Variants in LRP4 observed in about 807,000 individuals in gnomAD.
The protein encoded by LRP4 is LDL receptor related protein 4, also known as low-density lipoprotein receptor-related protein 4.
Under a neutral mutation model 220.3 loss-of-function variants are expected in LRP4, and 95 were observed. The observed-to-expected ratio is 0.43, with a 90% confidence interval of 0.37 to 0.51. The LOEUF (loss-of-function observed/expected upper bound fraction) is 0.51. Ranked by LOEUF, LRP4 falls within the 20% of genes least tolerant of loss-of-function variation. The pLI is 0.00. For missense variants in LRP4, 1,925 were observed against 2,567.0 expected (o/e 0.75, Z 5.40); for synonymous variants, 903 against 954.6 (o/e 0.95, Z 1.00).
At chr11:46,907,402 C>A (rs1941779663) in intron 1 of LRP4, among the ~76,000 whole-genome samples, 1 of 152,220 alleles carries the variant, frequency 6.6e-6, no homozygotes, top group African/African-American at 2.4e-5. Flanking sequence ...TCATCTCTCC[C>A]ACTCCCGCCA....
At chr11:46,889,714 A>T in intron 15 of LRP4, 181 bp from the exon 16 acceptor site, 1 of 882,428 alleles carries the variant, frequency 1.1e-6, no homozygotes, top group Non-Finnish European at 1.8e-6. Flanking sequence ...ATGCCCTGTA[A>T]ATGTCTGCCT....
chr11:46,864,612 G>A (rs1307057358), intron 35 of LRP4, 77 bp from the exon 36 acceptor site: 2 of 996,296 alleles, frequency 2.0e-6, no homozygotes, highest in Non-Finnish European at 3.2e-6. Flanking sequence ...ATGGAAAGCT[G>A]AAAGGCTCCT....
At chr11:46,881,058 C>CAAAAAAAAA (rs60125188) in intron 20 of LRP4, among the ~76,000 whole-genome samples, 16 of 56,110 alleles carry the variant, frequency 2.9e-4, no homozygotes, top group South Asian at 9.9e-4. Context: ...TCTAAAAAAC[C>CAAAAAAAAA]AAAAAAAAAA....
Position 46,902,779 on chromosome 11 carries a change from T to C in LRP4, c.199+4A>G. ...CCTCCCACTGCCTCTGGGGAGGTACTTACTACATCCATCCTCATCGCTGTG... is the reference window on the plus strand; with the variant it reads ...CCTCCCACTGCCTCTGGGGAGGTACCTACTACATCCATCCTCATCGCTGTG... On this transcript the variant is annotated splice_donor_region_variant and intron_variant, in intron 2 of 37. Transcript: ENST00000378623. 1 of 1,613,986 alleles carries C rather than the reference T, an allele frequency of 6.2e-7. No individual in the cohort carries two copies. The highest frequency in any genetic ancestry group is 8.5e-7 in the Non-Finnish European group (1 of 1,180,028).
intron 8 of LRP4, 114 bp from the exon 9 acceptor site, chr11:46,896,449 T>C: frequency 7.4e-7 from 1 of 1,345,638 alleles, no homozygotes; most frequent in Admixed American, 1.7e-5. Context: ...GGTGGGAGGG[T>C]GAGGGTCCTG....
At chr11:46,897,423 G>A (rs1202836372) in intron 7 of LRP4, among the ~76,000 whole-genome samples, 1 of 148,678 alleles carries the variant, frequency 6.7e-6, no homozygotes, top group Non-Finnish European at 1.5e-5. Context: ...TCTCGCAGAG[G>A]GGGATTTGGC....
rs759028275 is a variant in LRP4 at position 46,886,047 on chromosome 11, G to A, written c.2506+44C>T. ...TCTGAGGCCAGGGTTTTAAACAAGA[G>A]GAATCCCAGGGAGCCAGGCAGGCCA... On this transcript the variant is annotated intron_variant, in intron 18 of 37. Coordinates refer to ENST00000378623, the MANE Select transcript of LRP4 (RefSeq NM_002334.4). 4 of 1,524,546 alleles carry A rather than the reference G, an allele frequency of 2.6e-6. No individual in the cohort carries two copies. In the South Asian group the frequency reaches 4.5e-5, roughly 17 times the overall value. The allele number at this position is 1,524,546 out of a possible 1,614,324, so 94.4% of individuals were successfully genotyped here. A position where few individuals can be genotyped will look rare whatever the true frequency, so the allele number is the denominator to read the frequency against.
At position 46,869,096 on chromosome 11, in the gene LRP4, T is replaced by G; in HGVS notation, c.4729A>C (p.Lys1577Gln). The change falls in exon 32 of 38, where the codon AAG becomes CAG. Residue 1577 changes from lysine to glutamine, a missense_variant. Physicochemically the swap from Lys to Gln is moderately conservative, Grantham distance 53 (BLOSUM62 1). Coordinates refer to ENST00000378623, the MANE Select transcript of LRP4 (RefSeq NM_002334.4). ...TATTTGTCAACACGCTGGATTGACTTGGTCTGCCAGTCTGTCCAGTAGATC... is the reference window on the plus strand; with the variant it reads ...TATTTGTCAACACGCTGGATTGACTGGGTCTGCCAGTCTGTCCAGTAGATC... Reference protein sequence around the residue: ...RWIYWTDWQTKSIQRVDKYSG... With the variant: ...RWIYWTDWQTQSIQRVDKYSG... 6.2e-7 allele frequency: 1 copy of G among 1,614,180 alleles called. No homozygotes were observed. Among genetic ancestry groups the G allele is most frequent in the Non-Finnish European group, 8.5e-7 (1 of 1,180,012 alleles).
intron 1 of LRP4, among the ~76,000 whole-genome samples, chr11:46,916,495 T>C (rs1213510462): frequency 6.6e-6 from 1 of 152,176 alleles, no homozygotes; most frequent in Non-Finnish European, 1.5e-5. Context: ...TCCCATTCTT[T>C]TTCTGTGAAA....
rs367608390 is a variant in LRP4, at chr11:46,864,505, C to G, written c.5186G>C (p.Gly1729Ala). 26 of 1,613,582 alleles carry G rather than the reference C, an allele frequency of 1.6e-5. No individual in the cohort carries two copies. The highest frequency in any genetic ancestry group is 2.1e-5 in the Non-Finnish European group (25 of 1,179,668). ...AATCAGCAGAATACTGAGGAGTCCA[C>G]CAATGGCGTAGCTGATATGAAGTCC... ...GEGLHISYAIGGLLSILLILV... is the reference protein window; with the variant it reads ...GEGLHISYAIAGLLSILLILV... Residue 1729 changes from glycine (G) to alanine (A), a missense_variant, in exon 36 of 38, where the codon GGT (glycine) becomes GCT (alanine). By Grantham distance (60) the Gly-to-Ala change is moderately conservative. This residue lies in a region of LRP4 where 1,244 missense variants were observed against 1,624.9 expected (regional missense o/e 0.77). Coordinates refer to ENST00000378623, the MANE Select transcript of LRP4 (RefSeq NM_002334.4).
chr11:46,868,841 C>G, intron 32 of LRP4, 128 bp from the exon 33 acceptor site: 5 of 1,275,524 alleles, frequency 3.9e-6, no homozygotes, highest in Non-Finnish European at 5.7e-6. Flanking sequence ...GAGATACAAC[C>G]GCGAGGGAGT....
intron 15 of LRP4, 177 bp downstream of exon 15, chr11:46,889,767 A>C: frequency 1.2e-6 from 1 of 851,036 alleles, no homozygotes; most frequent in Non-Finnish European, 1.9e-6. Flanking sequence ...CTTTTCGTGA[A>C]TCTTGTTGTA....
chr11:46,914,950 A>G (rs561221137), intron 1 of LRP4, among the ~76,000 whole-genome samples: 1 of 152,166 alleles, frequency 6.6e-6, no homozygotes, highest in Non-Finnish European at 1.5e-5. Context: ...GAGCTATAAA[A>G]CACCGTGTCC....
chr11:46,910,304 C>T (rs933899599), intron 1 of LRP4, among the ~76,000 whole-genome samples: 20 of 152,168 alleles, frequency 1.3e-4, no homozygotes, highest in African/African-American at 4.8e-4. Context: ...GCTATTTAAC[C>T]TCTTTATATA....
intron 8 of LRP4, 102 bp from the exon 9 acceptor site, chr11:46,896,437 A>C (rs2134854784): frequency 5.6e-6 from 8 of 1,434,832 alleles, no homozygotes; most frequent in Non-Finnish European, 7.7e-6. Context: ...GATGAGACTC[A>C]AGGTGGGAGG....
At chr11:46,862,889 C>G (rs897360027) in intron 36 of LRP4, 142 bp from the exon 37 acceptor site, 2 of 733,352 alleles carry the variant, frequency 2.7e-6, no homozygotes, top group Non-Finnish European at 4.9e-6. Context: ...CTTAAGAATC[C>G]CCTCCCCTTG....
At chr11:46,897,148 A>T (rs563096472) in intron 7 of LRP4, among the ~76,000 whole-genome samples, 154 bp from the exon 8 acceptor site, 5 of 152,306 alleles carry the variant, frequency 3.3e-5, no homozygotes, top group East Asian at 3.9e-4. Flanking sequence ...ATCAGAAAAA[A>T]GTATCCTTTC....
At chr11:46,895,683 G>A (rs772283783) in intron 10 of LRP4, among the ~76,000 whole-genome samples, 1 of 152,250 alleles carries the variant, frequency 6.6e-6, no homozygotes, top group Non-Finnish European at 1.5e-5. Context: ...CAGCTGTGTG[G>A]CCTTTGGTAA....
In LRP4 at chr11:46,876,818, C is replaced by A; in HGVS notation, c.3290G>T (p.Trp1097Leu). Residue 1097 changes from tryptophan to leucine, a missense_variant, in exon 24 of 38, where the codon TGG (tryptophan) becomes TTG (leucine). Trp to Leu is a moderately conservative substitution (Grantham distance 61). Transcript: ENST00000378623. ...GVDPQEGKVY[W>L]SDSTLHRISR... ...GATCCTGTGCAGTGTGCTGTCAGACCAGTACACCTTTCCTGGAGAGGGAAA... is the reference window on the plus strand; with the variant it reads ...GATCCTGTGCAGTGTGCTGTCAGACAAGTACACCTTTCCTGGAGAGGGAAA... 1 of 1,613,890 alleles carries A rather than the reference C, an allele frequency of 6.2e-7. No homozygotes were observed. Among genetic ancestry groups the A allele is most frequent in the African/African-American group, 1.3e-5 (1 of 75,042 alleles).
Sources: allele counts gnomAD v4.1 joint callset (sites outside exome capture counted in the v4.1 genomes callset), GRCh38; gene constraint gnomAD v4.1.1; regional missense constraint gnomAD v4.1.1; transcripts MANE v1.5; gene names NCBI Gene and HGNC (gene_info 2026-07-23, HGNC 2026-07-21).